The following TMEM71 variants were observed in gnomAD, a reference collection of about 807,000 sequenced individuals.
TMEM71 encodes transmembrane protein 71.
A neutral mutation model predicts 38.0 loss-of-function variants in TMEM71; 44 were observed. The ratio of observed to expected loss-of-function variants is 1.16; its 90% confidence interval spans 0.91 to 1.49. The LOEUF is 1.49. Among genes scored for constraint, TMEM71 ranks in the 40% most tolerant of loss-of-function variants. The pLI is 0.00. For synonymous variants in TMEM71, 133 were observed against 122.5 expected (o/e 1.09, Z -0.56); for missense variants, 367 against 348.6 (o/e 1.05, Z -0.42).
intron 2 of TMEM71, among the ~76,000 whole-genome samples, chr8:132,757,797 G>T (rs1461183005): frequency 7.1e-6 from 1 of 141,572 alleles, no homozygotes; most frequent in East Asian, 2.1e-4. Context: ...CTGCACTCCA[G>T]CCTGGGCGAC....
chr8:132,769,350 T>C, the TMEM71 span, among the ~76,000 whole-genome samples: 32 of 152,346 alleles, frequency 2.1e-4, no homozygotes, highest in African/African-American at 7.7e-4. Flanking sequence ...TGTTTAGTTG[T>C]TTCTGTATCC....
At chr8:132,759,891 T>A (rs1829237396) in intron 1 of TMEM71, among the ~76,000 whole-genome samples, 1 of 152,230 alleles carries the variant, frequency 6.6e-6, no homozygotes, top group Non-Finnish European at 1.5e-5. Context: ...TTTCTGGCCT[T>A]CCTTGGAAGA....
intron 3 of TMEM71, among the ~76,000 whole-genome samples, chr8:132,753,676 G>A (rs184467872): frequency 2.6e-5 from 4 of 152,044 alleles, no homozygotes; most frequent in Admixed American, 6.6e-5. Context: ...CCCCCTCTAA[G>A]CCCATAATTC....
upstream of TMEM71, among the ~76,000 whole-genome samples, chr8:132,765,451 T>A (rs192876473): frequency 6.6e-6 from 1 of 152,272 alleles, no homozygotes; most frequent in East Asian, 1.9e-4. Context: ...GTTTAGAGTA[T>A]ACCCGGCAAT....
chr8:132,774,038 C>G, the TMEM71 span, among the ~76,000 whole-genome samples: 1 of 152,268 alleles, frequency 6.6e-6, no homozygotes, highest in African/African-American at 2.4e-5. Context: ...GTGCTTTACA[C>G]TGTGCCAGAG....
intron 1 of TMEM71, among the ~76,000 whole-genome samples, chr8:132,759,956 TC>T: frequency 6.6e-6 from 1 of 152,298 alleles, no homozygotes; most frequent in Admixed American, 6.5e-5. Flanking sequence ...TATAAAATAA[TC>T]CCAGTGTAAT....
At chr8:132,754,113 A>C (rs373540543) in intron 3 of TMEM71, among the ~76,000 whole-genome samples, 1 of 152,044 alleles carries the variant, frequency 6.6e-6, no homozygotes, top group East Asian at 1.9e-4. Context: ...CAACCATAGA[A>C]CCCAGCCCTT....
chr8:132,724,527 G>A (rs1291818701), intron 6 of TMEM71, among the ~76,000 whole-genome samples: 1 of 152,094 alleles, frequency 6.6e-6, no homozygotes, highest in Non-Finnish European at 1.5e-5. Context: ...CAGACTTTAT[G>A]GTTGTCTTCC....
chr8:132,750,878 C>G (rs934396490), intron 4 of TMEM71, among the ~76,000 whole-genome samples: 1 of 152,170 alleles, frequency 6.6e-6, no homozygotes, highest in Admixed American at 6.5e-5. Flanking sequence ...CTTGACCTCC[C>G]ACATCTTTGG....
At chr8:132,730,669 A>G (rs1443824589) in intron 5 of TMEM71, among the ~76,000 whole-genome samples, 1 of 152,150 alleles carries the variant, frequency 6.6e-6, no homozygotes, top group African/African-American at 2.4e-5. Flanking sequence ...TGGTTATTTT[A>G]TACCCATAGT....
intron 4 of TMEM71, 114 bp from the exon 5 acceptor site, chr8:132,747,228 T>C (rs1828441232): frequency 2.1e-6 from 2 of 936,316 alleles, no homozygotes; most frequent in Admixed American, 3.5e-5. Context: ...CTGCATTAAT[T>C]CTACAAAAGT....
chr8:132,723,143 C>T (rs1826945892), intron 6 of TMEM71, among the ~76,000 whole-genome samples: 1 of 152,154 alleles, frequency 6.6e-6, no homozygotes, highest in Admixed American at 6.5e-5. Context: ...TGAAGATTGG[C>T]AATTCAAAAT....
intron 7 of TMEM71, among the ~76,000 whole-genome samples, chr8:132,720,493 A>C (rs562360557): frequency 6.6e-6 from 1 of 152,342 alleles, no homozygotes; most frequent in Non-Finnish European, 1.5e-5. Flanking sequence ...AGTTTGGGAT[A>C]TAGAATGCAG....
At chr8:132,713,017 A>C (rs1826317093) in intron 9 of TMEM71, among the ~76,000 whole-genome samples, 1 of 151,420 alleles carries the variant, frequency 6.6e-6, no homozygotes, top group Admixed American at 6.6e-5. Context: ...CACCCAGCTA[A>C]TTTTGTCTAT....
intron 5 of TMEM71, among the ~76,000 whole-genome samples, chr8:132,739,208 G>GGATTT (rs1319822563): frequency 6.6e-6 from 1 of 152,214 alleles, no homozygotes; most frequent in Non-Finnish European, 1.5e-5. Flanking sequence ...GGGACATGAT[G>GGATTT]GATTTCTCCT....
intron 4 of TMEM71, among the ~76,000 whole-genome samples, chr8:132,749,872 G>T (rs1471428186): frequency 1.3e-5 from 2 of 152,028 alleles, no homozygotes; most frequent in African/African-American, 4.8e-5. Context: ...AAATTAGCTG[G>T]ACATGGTGGT....
At chr8:132,725,083 G>A (rs1191594459) in intron 6 of TMEM71, among the ~76,000 whole-genome samples, 2 of 149,116 alleles carry the variant, frequency 1.3e-5, no homozygotes, top group Non-Finnish European at 3.0e-5. Flanking sequence ...CTATTTCCCA[G>A]GCTGCAGTGC....
At chr8:132,735,469 A>G (rs2131098685) in intron 5 of TMEM71, among the ~76,000 whole-genome samples, 1 of 152,324 alleles carries the variant, frequency 6.6e-6, no homozygotes, top group East Asian at 1.9e-4. Flanking sequence ...CCTTGGGTAA[A>G]TCTGGAAAGC....
the TMEM71 span, among the ~76,000 whole-genome samples, chr8:132,767,618 G>A: frequency 6.6e-6 from 1 of 151,984 alleles, no homozygotes; most frequent in African/African-American, 2.4e-5. Context: ...GGGACTACAG[G>A]TGCGCACCAC....
Sources: allele counts gnomAD v4.1 joint callset (sites outside exome capture counted in the v4.1 genomes callset), GRCh38; gene constraint gnomAD v4.1.1; transcripts MANE v1.5; gene names NCBI Gene and HGNC (gene_info 2026-07-23, HGNC 2026-07-21).